GRM8: variants seen among roughly 807,000 people sequenced by gnomAD.
GRM8 encodes glutamate metabotropic receptor 8, also known as metabotropic glutamate receptor 8.
In GRM8, 47 loss-of-function variants were observed where a neutral mutation model predicts 87.2. The observed-to-expected ratio is 0.54, with a 90% CI of 0.43 to 0.69. The LOEUF is 0.69. GRM8 is among the 30% of genes least tolerant of loss of function. The pLI is 0.00. For missense variants in GRM8, 1,019 were observed against 1,139.2 expected, an observed-to-expected ratio of 0.89 and a Z score of 1.52; for synonymous variants, 396 against 404.5, an observed-to-expected ratio of 0.98 and a Z score of 0.25.
At chr7:126,956,512 T>A (rs1808701118) in intron 3 of GRM8, among the ~76,000 whole-genome samples, 1 of 152,192 alleles carries the variant, frequency 6.6e-6, no homozygotes, top group African/African-American at 2.4e-5. Context: ...TACTTTAAGT[T>A]TTAGGGTACA....
chr7:126,763,633 G>A (rs1373614448), intron 7 of GRM8, among the ~76,000 whole-genome samples: 1 of 151,386 alleles, frequency 6.6e-6, no homozygotes, highest in Non-Finnish European at 1.5e-5. Flanking sequence ...GTCTATTCTG[G>A]TATTAGTTTC....
At chr7:126,793,293 C>T (rs900795950) in intron 6 of GRM8, among the ~76,000 whole-genome samples, 2 of 152,028 alleles carry the variant, frequency 1.3e-5, no homozygotes, top group Non-Finnish European at 2.9e-5. Flanking sequence ...TTGCTTAGTT[C>T]GGTTTGCTGT....
chr7:126,715,651 T>A (rs891796307), intron 7 of GRM8, among the ~76,000 whole-genome samples: 1 of 152,222 alleles, frequency 6.6e-6, no homozygotes, highest in East Asian at 1.9e-4. Context: ...AATACATTTA[T>A]TGAAAAAAAT....
At chr7:127,136,130 T>A (rs540584289) in intron 2 of GRM8, among the ~76,000 whole-genome samples, 1 of 151,602 alleles carries the variant, frequency 6.6e-6, no homozygotes, top group South Asian at 2.1e-4. Context: ...TAAAAATGGC[T>A]TAGTTATTAA....
chr7:127,213,815 T>A (rs1185145350), intron 2 of GRM8, among the ~76,000 whole-genome samples: 1 of 152,234 alleles, frequency 6.6e-6, no homozygotes, highest in African/African-American at 2.4e-5. Context: ...CAAGATTTCA[T>A]CTGGTTTAGA....
At chr7:126,861,909 C>A (rs1427889350) in intron 6 of GRM8, among the ~76,000 whole-genome samples, 2 of 151,832 alleles carry the variant, frequency 1.3e-5, no homozygotes, top group Non-Finnish European at 2.9e-5. Flanking sequence ...TATACTACAG[C>A]TTTTAAGTGG....
At chr7:127,094,548 C>A (rs1441251954) in intron 3 of GRM8, among the ~76,000 whole-genome samples, 1 of 152,128 alleles carries the variant, frequency 6.6e-6, no homozygotes, top group Admixed American at 6.5e-5. Context: ...CCAAGGAATG[C>A]CAAATATCAC....
intron 6 of GRM8, among the ~76,000 whole-genome samples, chr7:126,832,295 A>T (rs1795466190): frequency 6.6e-6 from 1 of 152,160 alleles, no homozygotes; most frequent in South Asian, 2.1e-4. Flanking sequence ...GGAAGAAATG[A>T]TGGTTTTATG....
chr7:126,714,346 G>T (rs943463603), intron 7 of GRM8, among the ~76,000 whole-genome samples: 2 of 150,244 alleles, frequency 1.3e-5, no homozygotes, highest in Non-Finnish European at 3.0e-5. Flanking sequence ...CCTACAAAGT[G>T]CTTACTTTGT....
At chr7:127,100,807 G>A (rs773562516) in intron 3 of GRM8, among the ~76,000 whole-genome samples, 1 of 152,092 alleles carries the variant, frequency 6.6e-6, no homozygotes, top group Non-Finnish European at 1.5e-5. Context: ...TTAAGGTGAG[G>A]TTTGAGTGGG....
At chr7:126,539,140 T>C (rs1322701466) in intron 8 of GRM8, among the ~76,000 whole-genome samples, 1 of 152,018 alleles carries the variant, frequency 6.6e-6, no homozygotes, top group Non-Finnish European at 1.5e-5. Context: ...AGACTTCTCC[T>C]ATTTTAAAGA....
At chr7:126,529,573 T>G (rs1377036670) in intron 9 of GRM8, among the ~76,000 whole-genome samples, 1 of 152,216 alleles carries the variant, frequency 6.6e-6, no homozygotes, top group Non-Finnish European at 1.5e-5. Flanking sequence ...TTTTCTTTTT[T>G]TGCCTTTTTG....
chr7:127,038,821 T>C (rs1409408381), intron 3 of GRM8, among the ~76,000 whole-genome samples: 2 of 152,240 alleles, frequency 1.3e-5, no homozygotes, highest in Non-Finnish European at 1.5e-5. Flanking sequence ...ATGGCTGTAT[T>C]TGACCAACTA....
At position 127,010,766 on chromosome 7, in the gene GRM8, C is replaced by A. The variant is rs779538049; in HGVS notation, c.727+95730G>T. ...AAATGCTTATCAATCACTCAGTATA[C>A]CCAACACAGTGAGCCAGATTTGAGG... On this transcript the variant is annotated intron_variant, in intron 3 of 10. Transcript: ENST00000339582. Among the ~76,000 whole-genome samples, 73 of 152,044 alleles carry A rather than the reference C, an allele frequency of 4.8e-4. 1 individual carries two copies. Among genetic ancestry groups the A allele is most frequent in the Non-Finnish European group, 1.9e-4 (13 of 67,990 alleles).
chr7:126,456,555 A>G (rs1266733974), intron 9 of GRM8, among the ~76,000 whole-genome samples: 1 of 147,758 alleles, frequency 6.8e-6, no homozygotes, highest in African/African-American at 2.5e-5. Context: ...AATCAAACAT[A>G]ATCTAGATTC....
intron 8 of GRM8, among the ~76,000 whole-genome samples, chr7:126,539,666 C>T (rs1014907212): frequency 2.0e-5 from 3 of 151,862 alleles, no homozygotes; most frequent in Non-Finnish European, 2.9e-5. Flanking sequence ...TGTATGTTCA[C>T]GTTATTTTTG....
intron 7 of GRM8, among the ~76,000 whole-genome samples, chr7:126,646,505 T>A (rs963705554): frequency 5.3e-5 from 8 of 152,130 alleles, no homozygotes; most frequent in Non-Finnish European, 7.3e-5. Context: ...CATTGAAACT[T>A]CCATTTCAAA....
chr7:126,495,576 G>C (rs1808604632), intron 9 of GRM8, among the ~76,000 whole-genome samples: 2 of 151,950 alleles, frequency 1.3e-5, no homozygotes, highest in Non-Finnish European at 2.9e-5. Flanking sequence ...TTTCCAGTTT[G>C]GGTAAGGGAG....
intron 2 of GRM8, among the ~76,000 whole-genome samples, chr7:127,165,891 G>T (rs1404349102): frequency 6.6e-6 from 1 of 152,162 alleles, no homozygotes; most frequent in Non-Finnish European, 1.5e-5. Context: ...TTTTGGTACT[G>T]GTAGGAGTGG....
Sources: gnomAD v4.1 joint callset for allele counts (sites outside exome capture counted in the v4.1 genomes callset) on GRCh38, gnomAD v4.1.1 for gene constraint, MANE v1.5 for transcripts, NCBI Gene and HGNC (gene_info 2026-07-23, HGNC 2026-07-21) for gene names.